Variants in SAMD4A observed in about 807,000 individuals in gnomAD.
SAMD4A encodes the protein protein Smaug homolog 1.
Under a neutral mutation model 81.3 loss-of-function variants are expected in SAMD4A, and 33 were observed. The observed-to-expected ratio is 0.41, with a 90% CI of 0.31 to 0.54. SAMD4A has a LOEUF of 0.54. Ranked by LOEUF, SAMD4A falls within the 20% of genes least tolerant of loss-of-function variation. SAMD4A has a pLI of 0.37. For synonymous variants in SAMD4A, 389 were observed against 382.1 expected (o/e 1.02, Z -0.21); for missense variants, 854 against 951.1 (o/e 0.90, Z 1.34).
chr14:54,575,615 C>CT (rs1299336106), intron 2 of SAMD4A, among the ~76,000 whole-genome samples: 1 of 152,130 alleles, frequency 6.6e-6, no homozygotes, highest in African/African-American at 2.4e-5. Flanking sequence ...TCTACAGGCA[C>CT]TTTGAGGTCA....
intron 4 of SAMD4A, among the ~76,000 whole-genome samples, chr14:54,743,689 C>T (rs1375833493): frequency 6.6e-6 from 1 of 152,220 alleles, no homozygotes; most frequent in East Asian, 1.9e-4. Context: ...AAATAGGCCA[C>T]CTCTCACCTT....
chr14:54,655,879 G>T (rs2035508774), intron 2 of SAMD4A, among the ~76,000 whole-genome samples: 1 of 152,038 alleles, frequency 6.6e-6, no homozygotes, highest in African/African-American at 2.4e-5. Context: ...CTGTAAATGG[G>T]GATAATAATA....
At chr14:54,644,756 C>T (rs185374457) in intron 2 of SAMD4A, among the ~76,000 whole-genome samples, 6 of 152,260 alleles carry the variant, frequency 3.9e-5, no homozygotes, top group African/African-American at 1.4e-4. Flanking sequence ...AGTGGTGTTG[C>T]AGGACATGTG....
chr14:54,760,252 C>G lies in SAMD4A; in HGVS notation c.1268C>G (p.Thr423Ser), dbSNP rs2038357312. 4.3e-6 allele frequency: 7 copies of G among 1,613,194 alleles called. No homozygotes were observed. The South Asian group carries it at 6.6e-5, about 15-fold the overall frequency. The change falls in exon 7 of 13, where the codon ACC becomes AGC. Residue 423 changes from threonine to serine, a missense_variant. By Grantham distance (58) the Thr-to-Ser change is moderately conservative. Around this residue, in one of 3 missense-constraint regions of SAMD4A, gnomAD observed 428 missense variants for 471.2 expected, o/e 0.91. Transcript: ENST00000554335. ...TPIKAYSSPS[T>S]TPEARRREPQ... The stretch of plus-strand genomic sequence containing the variant: ...ATCAAGGCCTACAGCTCCCCGAGCA[C>G]CACCCCCGAGGCTCGCCGCCGGGAG...
In SAMD4A at chr14:54,702,042, G is replaced by C. The variant is rs74987026; in HGVS notation, c.197-20G>C. ...CTGTGGGTGTATTTGCTTATTTGCC[G>C]TGTATATTTCCCTTTTCAGGAATCA... On this transcript the variant is annotated intron_variant, in intron 2 of 12. Coordinates refer to ENST00000554335, the MANE Select transcript of SAMD4A (RefSeq NM_015589.6). The C allele has an allele frequency of 1.9e-6, 3 of 1,610,594 alleles. No individual in the cohort carries two copies. Among genetic ancestry groups the C allele is most frequent in the Non-Finnish European group, 2.5e-6 (3 of 1,177,722 alleles).
intron 4 of SAMD4A, among the ~76,000 whole-genome samples, chr14:54,739,823 G>C (rs1042038992): frequency 6.6e-6 from 1 of 152,170 alleles, no homozygotes; most frequent in South Asian, 2.1e-4. Context: ...TTTGATCTCC[G>C]TGTCTAAGAG....
chr14:54,585,609 G>T (rs939924697), intron 2 of SAMD4A, among the ~76,000 whole-genome samples: 3 of 151,886 alleles, frequency 2.0e-5, no homozygotes, highest in Non-Finnish European at 4.4e-5. Context: ...TCCTTCCCCC[G>T]AGTCCCCAAA....
In SAMD4A at chr14:54,776,416, C is replaced by A. The variant is rs753683875; in HGVS notation, c.1920C>A (p.Asn640Lys). 6.3e-7 allele frequency: 1 copy of A among 1,590,838 alleles called. No homozygotes were observed. Among genetic ancestry groups the A allele is most frequent in the Non-Finnish European group, 8.5e-7 (1 of 1,169,850 alleles). Residue 640 changes from asparagine to lysine, a missense_variant and splice_region_variant, in exon 11 of 13, where the codon AAC becomes AAA. This residue lies in a region of SAMD4A where 428 missense variants were observed against 471.2 expected (regional missense o/e 0.91). Coordinates refer to ENST00000554335, the MANE Select transcript of SAMD4A (RefSeq NM_015589.6). ...TPTIMKQGRQ[N>K]LWFANPGGSN... ...TCCCCTTTTGCTTTTCTCACCAGAA[C>A]CTGTGGTTTGCCAACCCCGGGGGCA...
At chr14:54,630,832 AAT>A (rs1170151748) in intron 2 of SAMD4A, among the ~76,000 whole-genome samples, 1 of 152,050 alleles carries the variant, frequency 6.6e-6, no homozygotes. Flanking sequence ...TATATTTTAT[AAT>A]AAATATAATG....
chr14:54,769,801 G>A (rs1299721358), intron 8 of SAMD4A, among the ~76,000 whole-genome samples: 1 of 152,230 alleles, frequency 6.6e-6, no homozygotes. Flanking sequence ...TTAATAAATA[G>A]AGTCTGGAGT....
At chr14:54,755,661 A>G (rs1183590184) in intron 6 of SAMD4A, among the ~76,000 whole-genome samples, 1 of 152,004 alleles carries the variant, frequency 6.6e-6, no homozygotes, top group Non-Finnish European at 1.5e-5. Context: ...GTTTTAGGGG[A>G]ATGGGAGGAA....
At chr14:54,634,817 G>A (rs925369135) in intron 2 of SAMD4A, among the ~76,000 whole-genome samples, 4 of 151,878 alleles carry the variant, frequency 2.6e-5, no homozygotes, top group African/African-American at 7.3e-5. Context: ...ATACTGACAC[G>A]TTATTTATAT....
At chr14:54,779,854 T>C (rs2038956135) in intron 11 of SAMD4A, among the ~76,000 whole-genome samples, 1 of 152,124 alleles carries the variant, frequency 6.6e-6, no homozygotes, top group African/African-American at 2.4e-5. Context: ...TAAGAAACAC[T>C]ACGAGGTGTA....
At chr14:54,689,798 G>A (rs190056038) in intron 2 of SAMD4A, 1 of 152,340 alleles carries the variant, frequency 6.6e-6, no homozygotes, top group African/African-American at 2.4e-5. Flanking sequence ...AAGAGGAGGG[G>A]GCTCTTAGCA....
rs901674544 is a variant in SAMD4A at position 54,793,238 on chromosome 14, A to G, written c.*4294A>G. On this transcript the variant is annotated 3_prime_UTR_variant, in exon 13 of 13. Transcript: ENST00000554335. The stretch of plus-strand genomic sequence containing the variant: ...ATTATTCATTTCCTCCCATGTAACT[A>G]AGAATCATGGCTATATTTCATATCA... The G allele has an allele frequency of 6.6e-6, 1 of 152,240 alleles. No homozygotes were observed. Among genetic ancestry groups the G allele is most frequent in the Non-Finnish European group, 1.5e-5 (1 of 68,034 alleles). The allele number at this position is 152,240 out of a possible 1,614,324, so 9.4% of individuals were successfully genotyped here. A position where few individuals can be genotyped will look rare whatever the true frequency, so the allele number is the denominator to read the frequency against.
At chr14:54,584,201 A>C (rs1984243) in intron 2 of SAMD4A, among the ~76,000 whole-genome samples, 1 of 152,244 alleles carries the variant, frequency 6.6e-6, no homozygotes, top group Non-Finnish European at 1.5e-5. Flanking sequence ...TTTGATTCAA[A>C]TAAAGCATTG....
At chr14:54,687,630 A>G (rs957246027) in intron 2 of SAMD4A, among the ~76,000 whole-genome samples, 1 of 152,038 alleles carries the variant, frequency 6.6e-6, no homozygotes, top group Non-Finnish European at 1.5e-5. Context: ...CTTTCTATAA[A>G]AGGCAGCCAG....
At chr14:54,634,147 A>G (rs147690494) in intron 2 of SAMD4A, among the ~76,000 whole-genome samples, 222 of 151,956 alleles carry the variant, frequency 1.5e-3, no homozygotes, top group African/African-American at 4.9e-3. Flanking sequence ...TCAGCCAGGG[A>G]TGGTGGTGTA....
chr14:54,694,187 C>T (rs1043094458), intron 2 of SAMD4A: 3 of 152,496 alleles, frequency 2.0e-5, no homozygotes, highest in Non-Finnish European at 2.9e-5. Flanking sequence ...CATGTTTGAT[C>T]AGGGGAGTGA....
Sources: allele counts gnomAD v4.1 joint callset (sites outside exome capture counted in the v4.1 genomes callset), GRCh38; gene constraint gnomAD v4.1.1; regional missense constraint gnomAD v4.1.1; transcripts MANE v1.5; gene names NCBI Gene and HGNC (gene_info 2026-07-23, HGNC 2026-07-21).